PSMA1: variants seen among roughly 807,000 people sequenced by gnomAD.
The protein encoded by PSMA1 is proteasome 20S subunit alpha 1.
PSMA1 carries 3 observed loss-of-function variants against 38.4 expected under a neutral mutation model. The observed-to-expected ratio is 0.08, with a 90% CI of 0.04 to 0.20. PSMA1 has a LOEUF of 0.20. Ranked by LOEUF, PSMA1 falls within the 10% of genes least tolerant of loss-of-function variation. PSMA1 has a pLI of 1.00. For synonymous variants in PSMA1, 101 were observed against 107.1 expected, an observed-to-expected ratio of 0.94 and a Z score of 0.35; for missense variants, 227 against 325.3, an observed-to-expected ratio of 0.70 and a Z score of 2.32.
intron 1 of PSMA1, among the ~76,000 whole-genome samples, chr11:14,643,200 C>A (rs1176133704): frequency 6.6e-6 from 1 of 151,704 alleles, no homozygotes; most frequent in East Asian, 2.0e-4. Flanking sequence ...CCCAAGAATC[C>A]ACGTTGCTTC....
chr11:14,600,459 C>T (rs1852566066), intron 2 of PSMA1, among the ~76,000 whole-genome samples: 1 of 152,192 alleles, frequency 6.6e-6, no homozygotes, highest in South Asian at 2.1e-4. Context: ...GGTGGATGCC[C>T]CTCCCCGAGC....
chr11:14,621,904 G>A (rs1252064294), intron 1 of PSMA1, among the ~76,000 whole-genome samples: 2 of 152,132 alleles, frequency 1.3e-5, no homozygotes, highest in Admixed American at 6.5e-5. Context: ...CTTTTTATGT[G>A]CCAGACACTA....
At chr11:14,546,076 G>A (rs988368699) in intron 2 of PSMA1, among the ~76,000 whole-genome samples, 9 of 151,896 alleles carry the variant, frequency 5.9e-5, no homozygotes, top group South Asian at 4.1e-4. Flanking sequence ...TAGTGAATGA[G>A]CTGGTTTAAA....
At chr11:14,553,731 C>T (rs896729332) in intron 2 of PSMA1, among the ~76,000 whole-genome samples, 5 of 152,070 alleles carry the variant, frequency 3.3e-5, no homozygotes, top group Admixed American at 6.6e-5. Context: ...CATTGAAGGA[C>T]ATTTGGGTTG....
At position 14,504,966 on chromosome 11, in the gene PSMA1, C is replaced by A. The variant is rs917671655; in HGVS notation, c.*226G>T. On this transcript the variant is annotated 3_prime_UTR_variant, in exon 10 of 10. Coordinates refer to ENST00000396394, the MANE Select transcript of PSMA1 (RefSeq NM_002786.4). Reference sequence around the variant, plus strand: ...CATATAAAAACATTAGTATAGATACCCATACTTTCTAGAAAATGATTATAC... The same window carrying A: ...CATATAAAAACATTAGTATAGATACACATACTTTCTAGAAAATGATTATAC... 7 of 500,266 alleles carry A rather than the reference C, an allele frequency of 1.4e-5. No homozygotes were observed. The highest frequency in any genetic ancestry group is 2.5e-5 in the Non-Finnish European group (7 of 279,382). 31.0% of individuals were successfully genotyped at this position (500,266 alleles called of 1,614,324 possible). A position where few individuals can be genotyped will look rare whatever the true frequency, so the allele number is the denominator to read the frequency against.
intron 2 of PSMA1, among the ~76,000 whole-genome samples, chr11:14,574,086 A>G (rs182482621): frequency 1.3e-5 from 2 of 152,200 alleles, no homozygotes; most frequent in Non-Finnish European, 2.9e-5. Context: ...AAGTTTGGAA[A>G]ATTCACAGCC....
chr11:14,569,238 G>T (rs577818631), intron 2 of PSMA1, among the ~76,000 whole-genome samples: 19 of 152,172 alleles, frequency 1.2e-4, no homozygotes, highest in African/African-American at 4.1e-4. Context: ...TTCTTCTGCT[G>T]GGGGGAGGTT....
chr11:14,511,382 G>A (rs1851340131), intron 7 of PSMA1, among the ~76,000 whole-genome samples: 1 of 151,944 alleles, frequency 6.6e-6, no homozygotes, highest in African/African-American at 2.4e-5. Flanking sequence ...CAATATAGAT[G>A]CAAAAACAAA....
At chr11:14,514,182 C>T in intron 5 of PSMA1, 1 of 1,330,794 alleles carries the variant, frequency 7.5e-7, no homozygotes, top group Non-Finnish European at 9.6e-7. Flanking sequence ...ACTTTAAATC[C>T]CCTCTAAAAA....
intron 1 of PSMA1, among the ~76,000 whole-genome samples, chr11:14,641,120 A>C (rs372669369): frequency 6.6e-5 from 10 of 151,994 alleles, no homozygotes; most frequent in Admixed American, 1.3e-4. Context: ...CGGCACGTGT[A>C]TACCTATGTA....
chr11:14,596,182 C>T (rs537684322), intron 2 of PSMA1, among the ~76,000 whole-genome samples: 1 of 152,274 alleles, frequency 6.6e-6, no homozygotes, highest in East Asian at 1.9e-4. Flanking sequence ...TAGTGTGATG[C>T]CTCCAGCTTT....
chr11:14,522,844 G>T (rs1413834512), upstream of PSMA1, among the ~76,000 whole-genome samples: 2 of 152,176 alleles, frequency 1.3e-5, no homozygotes, highest in East Asian at 3.8e-4. Context: ...AATAAAAGTT[G>T]AAGCACACAT....
chr11:14,507,612 CA>C, intron 9 of PSMA1, 43 bp downstream of exon 9: 1 of 1,305,502 alleles, frequency 7.7e-7, no homozygotes, highest in Non-Finnish European at 1.1e-6. Context: ...GTAAGAACAG[CA>C]GCTTACAATA....
chr11:14,545,587 T>C (rs1373737556), intron 2 of PSMA1, among the ~76,000 whole-genome samples: 2 of 152,234 alleles, frequency 1.3e-5, no homozygotes, highest in African/African-American at 4.8e-5. Context: ...CCTGTGTTAG[T>C]TTGCTGAGGA....
intron 1 of PSMA1, among the ~76,000 whole-genome samples, chr11:14,640,933 C>A (rs907623187): frequency 1.3e-5 from 2 of 151,758 alleles, no homozygotes; most frequent in Non-Finnish European, 2.9e-5. Flanking sequence ...AAAGAAATAC[C>A]CAGGGGCTTG....
chr11:14,642,100 T>C (rs1853213369), intron 1 of PSMA1, among the ~76,000 whole-genome samples: 1 of 151,156 alleles, frequency 6.6e-6, no homozygotes, highest in Admixed American at 6.6e-5. Flanking sequence ...CCCACACACA[T>C]ACACGCACAT....
At chr11:14,554,988 T>C (rs1364778801) in intron 2 of PSMA1, among the ~76,000 whole-genome samples, 2 of 152,264 alleles carry the variant, frequency 1.3e-5, no homozygotes, top group Non-Finnish European at 2.9e-5. Flanking sequence ...TTGCTTTTAC[T>C]GAGCACTGCA....
chr11:14,534,877 A>G lies in PSMA1; in HGVS notation c.22-15836T>C, dbSNP rs1380836326. On this transcript the variant is annotated intron_variant, in intron 2 of 10. Coordinates refer to the PSMA1 transcript ENST00000418988. The surrounding 1 kb of genome is among the most constrained non-coding windows in gnomAD (Gnocchi z 4.5). ...GATCTCCTGAGATCAGGAATTCAAG[A>G]CCAGCCTGGCCAACATGGCAAAACC... Among the ~76,000 whole-genome samples, 4 of 152,298 alleles carry G rather than the reference A, an allele frequency of 2.6e-5. No individual in the cohort carries two copies. The East Asian group carries it at 7.7e-4, about 29-fold the overall frequency.
At chr11:14,624,121 A>G (rs543714673) in intron 1 of PSMA1, among the ~76,000 whole-genome samples, 1 of 152,232 alleles carries the variant, frequency 6.6e-6, no homozygotes, top group Non-Finnish European at 1.5e-5. Context: ...TATATCTTCT[A>G]CAACAAAATC....
Sources: allele counts gnomAD v4.1 joint callset (sites outside exome capture counted in the v4.1 genomes callset), GRCh38; gene constraint gnomAD v4.1.1; non-coding constraint Gnocchi (gnomAD v3.1); transcripts MANE v1.5; gene names NCBI Gene and HGNC (gene_info 2026-07-23, HGNC 2026-07-21).